The following WWTR1 variants were observed in gnomAD, a reference collection of about 807,000 sequenced individuals.
WWTR1 encodes WW domain-containing transcription regulator protein 1.
In WWTR1, 13 loss-of-function variants were observed where a neutral mutation model predicts 40.1. The ratio of observed to expected loss-of-function variants is 0.32; its 90% CI spans 0.21 to 0.52. WWTR1 has a LOEUF of 0.52. WWTR1 is among the 20% of genes least tolerant of loss of function. The probability of loss-of-function intolerance (pLI) is 0.97; values close to 1 mark genes in which losing one functional copy is unlikely to be tolerated. For missense variants in WWTR1, 436 were observed against 523.1 expected (o/e 0.83, Z 1.63); for synonymous variants, 230 against 210.1 (o/e 1.09, Z -0.82).
intron 1 of WWTR1, among the ~76,000 whole-genome samples, chr3:149,687,347 C>T (rs1714686948): frequency 6.6e-6 from 1 of 152,144 alleles, no homozygotes; most frequent in South Asian, 2.1e-4. Flanking sequence ...ATCCTGTAGC[C>T]AGAGCAATCT....
intron 1 of WWTR1, among the ~76,000 whole-genome samples, chr3:149,694,851 G>A (rs1714933349): frequency 6.6e-6 from 1 of 152,178 alleles, no homozygotes; most frequent in African/African-American, 2.4e-5. Flanking sequence ...TCGAAGAGAT[G>A]TCTGCACTCC....
chr3:149,635,312 T>C (rs927903752), intron 2 of WWTR1, among the ~76,000 whole-genome samples: 22 of 152,228 alleles, frequency 1.4e-4, no homozygotes, highest in African/African-American at 5.3e-4. Flanking sequence ...AAGCTAGAAT[T>C]TAATTTATAT....
chr3:149,598,209 C>G (rs771075250), intron 2 of WWTR1, among the ~76,000 whole-genome samples: 3 of 152,178 alleles, frequency 2.0e-5, no homozygotes, highest in Admixed American at 6.5e-5. Flanking sequence ...TCAGTGCAAA[C>G]GTAACAGAAG....
chr3:149,685,253 A>G (rs1012487767), intron 1 of WWTR1, among the ~76,000 whole-genome samples: 1 of 152,214 alleles, frequency 6.6e-6, no homozygotes, highest in African/African-American at 2.4e-5. Flanking sequence ...TTTGGAACTG[A>G]AACATAGAAG....
At chr3:149,564,073 T>A (rs1003408042) in intron 3 of WWTR1, among the ~76,000 whole-genome samples, 2 of 152,156 alleles carry the variant, frequency 1.3e-5, no homozygotes, top group Non-Finnish European at 2.9e-5. Context: ...ACAATTTGAT[T>A]GTGGCTCCCA....
Position 149,562,015 on chromosome 3 carries a change from G to A in WWTR1, c.568+10849C>T, listed in dbSNP as rs575076918. On this transcript the variant is annotated intron_variant, in intron 3 of 6. Transcript: ENST00000360632. The stretch of plus-strand genomic sequence containing the variant: ...AAATATTATAGAAAAATATTTACTG[G>A]CCAGGCGCAGTTGCTTACACCTGTA... Among the ~76,000 whole-genome samples the A allele has an allele frequency of 2.6e-5, 4 of 152,204 alleles. No homozygotes were observed. The East Asian group carries it at 7.7e-4, about 29-fold the overall frequency.
chr3:149,521,489 T>A (rs1256428483), intron 6 of WWTR1, among the ~76,000 whole-genome samples: 6 of 152,200 alleles, frequency 3.9e-5, no homozygotes, highest in African/African-American at 1.4e-4. Context: ...TTTTCCCTCT[T>A]TCTGTAATAC....
At chr3:149,567,724 A>C (rs1283759437) in intron 3 of WWTR1, among the ~76,000 whole-genome samples, 1 of 152,198 alleles carries the variant, frequency 6.6e-6, no homozygotes, top group Non-Finnish European at 1.5e-5. Context: ...TGGACTACCT[A>C]AATACTCAAA....
At chr3:149,568,858 C>T (rs1293967149) in intron 3 of WWTR1, among the ~76,000 whole-genome samples, 1 of 152,220 alleles carries the variant, frequency 6.6e-6, no homozygotes, top group Non-Finnish European at 1.5e-5. Flanking sequence ...GCTCCGCCTC[C>T]CGGGTTCACG....
chr3:149,578,836 C>T (rs755253568), intron 2 of WWTR1, among the ~76,000 whole-genome samples: 6 of 151,978 alleles, frequency 3.9e-5, no homozygotes, highest in Non-Finnish European at 5.9e-5. Flanking sequence ...GCTGAGAGAG[C>T]GCCATTATTG....
chr3:149,666,253 T>C (rs1233809985), intron 2 of WWTR1, among the ~76,000 whole-genome samples: 1 of 152,168 alleles, frequency 6.6e-6, no homozygotes, highest in Non-Finnish European at 1.5e-5. Flanking sequence ...TAGGACACTT[T>C]TCATGCCTGG....
chr3:149,582,287 A>G (rs1479034047), intron 2 of WWTR1, among the ~76,000 whole-genome samples: 1 of 152,066 alleles, frequency 6.6e-6, no homozygotes, highest in African/African-American at 2.4e-5. Flanking sequence ...TAAGAAGGAA[A>G]AAAAAAAAAG....
chr3:149,636,966 GAAAAAA>G (rs397950107), intron 2 of WWTR1, among the ~76,000 whole-genome samples: 30 of 43,314 alleles, frequency 6.9e-4, no homozygotes, highest in East Asian at 2.5e-3. Flanking sequence ...TGTCTCAAGT[GAAAAAA>G]AAAAAAAAAA....
At chr3:149,642,774 C>CAAAA (rs1208125999) in intron 2 of WWTR1, among the ~76,000 whole-genome samples, 1 of 62,190 alleles carries the variant, frequency 1.6e-5, no homozygotes. Flanking sequence ...GACTCCGTCT[C>CAAAA]AAAAAAAAAA....
intron 3 of WWTR1, among the ~76,000 whole-genome samples, chr3:149,547,322 C>T (rs773601529): frequency 6.6e-5 from 10 of 150,678 alleles, no homozygotes; most frequent in African/African-American, 1.7e-4. Context: ...GTCAGGAGTT[C>T]GAGACCAGCC....
intron 1 of WWTR1, among the ~76,000 whole-genome samples, chr3:149,700,180 C>T (rs1440280647): frequency 6.6e-6 from 1 of 152,128 alleles, no homozygotes; most frequent in African/African-American, 2.4e-5. Flanking sequence ...AAAACTTCTT[C>T]ACTTGGCTGA....
At chr3:149,683,464 C>T (rs545688266) in intron 1 of WWTR1, among the ~76,000 whole-genome samples, 127 of 152,120 alleles carry the variant, frequency 8.3e-4, no homozygotes, top group African/African-American at 1.6e-3. Context: ...GAGGTCAAAG[C>T]GGATGGATCA....
In WWTR1 at chr3:149,713,716, A is replaced by G. The variant is rs1715529465; in HGVS notation, n.584+3726T>C. ...ATTTTTAAATCTGTTTATTTAACTTATCTGAGCCAGTTATAAGGATCACAG... is the reference window on the plus strand; with the variant it reads ...ATTTTTAAATCTGTTTATTTAACTTGTCTGAGCCAGTTATAAGGATCACAG... On this transcript the variant is annotated intron_variant and non_coding_transcript_variant, in intron 5 of 6. Transcript: ENST00000474080. Among the ~76,000 whole-genome samples the G allele has an allele frequency of 2.0e-5, 3 of 152,184 alleles. No individual in the cohort carries two copies. In the South Asian group the frequency reaches 6.2e-4, roughly 31 times the overall value.
chr3:149,540,959 A>C, intron 4 of WWTR1: 1 of 449,216 alleles, frequency 2.2e-6, no homozygotes, highest in Non-Finnish European at 4.5e-6. Flanking sequence ...TCATTCATGG[A>C]AGTCAATGTG....
Sources: allele counts gnomAD v4.1 joint callset (sites outside exome capture counted in the v4.1 genomes callset), GRCh38; gene constraint gnomAD v4.1.1; transcripts MANE v1.5; gene names NCBI Gene and HGNC (gene_info 2026-07-23, HGNC 2026-07-21).